The following RAD17 variants were observed in gnomAD, a reference collection of about 807,000 sequenced individuals.
The protein encoded by RAD17 is cell cycle checkpoint protein RAD17.
A neutral mutation model predicts 81.5 loss-of-function variants in RAD17; 31 were observed. That is an observed-to-expected ratio of 0.38 (90% CI 0.29 to 0.51). The LOEUF (loss-of-function observed/expected upper bound fraction) is 0.51, where lower values mean the gene tolerates loss of function less well. Ranked by LOEUF, RAD17 falls within the 20% of genes least tolerant of loss-of-function variation. The probability of loss-of-function intolerance (pLI) is 0.88; values close to 1 mark genes in which losing one functional copy is unlikely to be tolerated. For missense variants in RAD17, 681 were observed against 781.2 expected, an observed-to-expected ratio of 0.87 and a Z score of 1.53; for synonymous variants, 261 against 266.2, an observed-to-expected ratio of 0.98 and a Z score of 0.19.
At chr5:69,383,594 G>A (rs1763990121) in intron 7 of RAD17, among the ~76,000 whole-genome samples, 1 of 151,668 alleles carries the variant, frequency 6.6e-6, no homozygotes, top group Non-Finnish European at 1.5e-5. Context: ...TGGTCAGGTT[G>A]TTTTCGAACC....
Position 69,413,997 on chromosome 5 carries a change from G to C in RAD17, c.1752-34G>C, listed in dbSNP as rs191418374. The C allele has an allele frequency of 9.6e-4, 1,542 of 1,603,706 alleles. 8 individuals are homozygous for C. Among genetic ancestry groups the C allele is most frequent in the Non-Finnish European group, 7.3e-4 (858 of 1,174,902 alleles). On this transcript the variant is annotated intron_variant, in intron 18 of 18. Coordinates refer to ENST00000354868, the MANE Select transcript of RAD17 (RefSeq NM_133338.3). ...TGTAATTTAAAAATCTTCTCCTTTG[G>C]TTCTTATTAATGCCTGCACTGTGAA...
intron 11 of RAD17, 84 bp downstream of exon 11, chr5:69,386,549 T>G (rs1349628077): frequency 1.5e-6 from 2 of 1,308,244 alleles, no homozygotes; most frequent in Non-Finnish European, 9.9e-7. Flanking sequence ...AGGAGTGTTA[T>G]TTTAATTTTT....
chr5:69,375,504 TAAAAG>T (rs1763277873), intron 6 of RAD17, among the ~76,000 whole-genome samples: 1 of 152,004 alleles, frequency 6.6e-6, no homozygotes, highest in African/African-American at 2.4e-5. Flanking sequence ...TTTTCAAGCA[TAAAAG>T]AAAATAGAAT....
chr5:69,374,567 T>C, intron 5 of RAD17, 61 bp from the exon 6 acceptor site: 2 of 1,190,864 alleles, frequency 1.7e-6, no homozygotes, highest in Non-Finnish European at 2.5e-6. Context: ...TCATATGTGC[T>C]GATGTACCAA....
chr5:69,404,244 A>G (rs1460092979), intron 17 of RAD17, among the ~76,000 whole-genome samples: 1 of 152,212 alleles, frequency 6.6e-6, no homozygotes, highest in East Asian at 1.9e-4. Flanking sequence ...GCAAAAATAA[A>G]CAAATAGGAT....
intron 4 of RAD17, 102 bp downstream of exon 4, chr5:69,372,319 A>G: frequency 8.9e-7 from 1 of 1,118,828 alleles, no homozygotes; most frequent in Non-Finnish European, 1.3e-6. Flanking sequence ...GTGACTTAGC[A>G]TTCGTAAAGT....
At chr5:69,371,603 T>G in intron 3 of RAD17, 46 bp downstream of exon 3, 1 of 1,016,040 alleles carries the variant, frequency 9.8e-7, no homozygotes, top group South Asian at 2.9e-5. Context: ...TTAAAATAAT[T>G]ATAAATTTTT....
intron 12 of RAD17, among the ~76,000 whole-genome samples, chr5:69,391,172 G>A (rs1764531475): frequency 6.7e-6 from 1 of 149,454 alleles, no homozygotes; most frequent in African/African-American, 2.5e-5. Context: ...AGAGGTTGTG[G>A]TGAGCCGAGA....
At chr5:69,397,130 C>T (rs1279777391) in intron 16 of RAD17, among the ~76,000 whole-genome samples, 2 of 151,796 alleles carry the variant, frequency 1.3e-5, no homozygotes, top group African/African-American at 4.8e-5. Flanking sequence ...CCATGCTCGG[C>T]CATATTTTAT....
In RAD17 at chr5:69,372,216, A is replaced by G. The variant is rs749007734; in HGVS notation, c.8A>G (p.Gln3Arg). ...TCTTTTGATGAGGACGAAATGAATC[A>G]GGTAGCTATGACTAAAATTTTTTCC... The part of the protein sequence containing the change: MN[Q>R]VTDWVDPSFD... Residue 3 changes from glutamine to arginine, a missense_variant and splice_region_variant, in exon 4 of 19, where the codon CAG becomes CGG. Physicochemically the swap from Gln to Arg is conservative, Grantham distance 43. Coordinates refer to ENST00000354868, the MANE Select transcript of RAD17 (RefSeq NM_133338.3). 1 of 1,606,184 alleles carries G rather than the reference A, an allele frequency of 6.2e-7. No individual in the cohort carries two copies. Among genetic ancestry groups the G allele is most frequent in the Admixed American group, 1.7e-5 (1 of 59,950 alleles).
chr5:69,408,540 GTC>G, intron 17 of RAD17, among the ~76,000 whole-genome samples: 1 of 127,874 alleles, frequency 7.8e-6, no homozygotes, highest in Admixed American at 8.9e-5. Flanking sequence ...TGAGGAAAGA[GTC>G]TCGCTCTGTC....
intron 16 of RAD17, among the ~76,000 whole-genome samples, chr5:69,399,691 G>A (rs1273986531): frequency 3.9e-5 from 6 of 152,118 alleles, no homozygotes; most frequent in Non-Finnish European, 7.4e-5. Flanking sequence ...ATAACGTGTT[G>A]ACTAAAGAAA....
chr5:69,388,659 T>G (rs1474514141), intron 11 of RAD17, among the ~76,000 whole-genome samples: 1 of 152,060 alleles, frequency 6.6e-6, no homozygotes, highest in Non-Finnish European at 1.5e-5. Flanking sequence ...CAGGCTGGAG[T>G]GCAGTGGCAA....
chr5:69,372,549 AAATCTAGTAAAAATTTCTAATTTCT>A (rs1763070694), intron 4 of RAD17, among the ~76,000 whole-genome samples: 1 of 152,270 alleles, frequency 6.6e-6, no homozygotes, highest in African/African-American at 2.4e-5. Context: ...GAGTGTTAAA[AAATCTAGTAAAAATTTCTAATTTCT>A]AATTATTTGT....
chr5:69,400,783 A>AAAAT (rs1765217166), intron 17 of RAD17, among the ~76,000 whole-genome samples: 2 of 152,064 alleles, frequency 1.3e-5, no homozygotes. Context: ...AAAATAAAAA[A>AAAAT]ATTAGCCAGG....
At chr5:69,392,759 C>CT in intron 13 of RAD17, 1 of 441,682 alleles carries the variant, frequency 2.3e-6, no homozygotes, top group South Asian at 1.6e-5. Context: ...CGTTTATCGT[C>CT]TCTTGCATTA....
intron 6 of RAD17, among the ~76,000 whole-genome samples, chr5:69,376,951 A>C (rs2150776293): frequency 6.6e-6 from 1 of 152,138 alleles, no homozygotes; most frequent in East Asian, 1.9e-4. Context: ...ACAGGGTTTC[A>C]CCGTGTTGGC....
At chr5:69,399,963 GT>G (rs1765155312) in intron 16 of RAD17, 85 bp from the exon 17 acceptor site, 1 of 883,432 alleles carries the variant, frequency 1.1e-6, no homozygotes, top group Non-Finnish European at 1.6e-6. Flanking sequence ...TATTGTGTAA[GT>G]TTATATAATA....
chr5:69,399,021 T>A (rs961891613), intron 16 of RAD17, among the ~76,000 whole-genome samples: 19 of 150,094 alleles, frequency 1.3e-4, no homozygotes, highest in South Asian at 2.1e-4. Context: ...AAAAAAAAAA[T>A]AATAAAAAAA....
Sources: allele counts gnomAD v4.1 joint callset (sites outside exome capture counted in the v4.1 genomes callset), GRCh38; gene constraint gnomAD v4.1.1; transcripts MANE v1.5; gene names NCBI Gene and HGNC (gene_info 2026-07-23, HGNC 2026-07-21).